HDAC9: variants seen among roughly 807,000 people sequenced by gnomAD.
HDAC9 encodes the protein MEF-2 interacting transcription repressor (MITR) protein.
Under a neutral mutation model 139.4 loss-of-function variants are expected in HDAC9, and 41 were observed. The observed-to-expected ratio is 0.29, with a 90% CI of 0.23 to 0.38. The LOEUF is 0.38. Ranked by LOEUF, HDAC9 falls within the 10% of genes least tolerant of loss-of-function variation. HDAC9 has a pLI of 1.00. For missense variants in HDAC9, 1,147 were observed against 1,297.0 expected (o/e 0.88, Z 1.78); for synonymous variants, 517 against 476.2 (o/e 1.09, Z -1.12).
intron 1 of HDAC9, among the ~76,000 whole-genome samples, chr7:18,098,164 G>A (rs988325460): frequency 6.6e-6 from 1 of 152,122 alleles, no homozygotes; most frequent in Non-Finnish European, 1.5e-5. Flanking sequence ...TGCCAAATCC[G>A]TGAAATCGAT....
chr7:18,438,116 A>G (rs1348522745), intron 1 of HDAC9, among the ~76,000 whole-genome samples: 2 of 150,092 alleles, frequency 1.3e-5, no homozygotes, highest in Admixed American at 6.6e-5. Flanking sequence ...ATATTTATAT[A>G]TTAAAAATAA....
chr7:18,473,607 AT>A (rs774317781), intron 1 of HDAC9, among the ~76,000 whole-genome samples: 33 of 152,376 alleles, frequency 2.2e-4, no homozygotes, highest in Non-Finnish European at 4.6e-4. Context: ...TATTTTGGAA[AT>A]TCTTAAGGTA....
Position 18,590,451 on chromosome 7 carries a change from T to TTCC in HDAC9, c.386_388dup (p.Pro129dup). 6.2e-7 allele frequency: 1 copy of TTCC among 1,604,690 alleles called. No homozygotes were observed. The highest frequency in any genetic ancestry group is 8.5e-7 in the Non-Finnish European group (1 of 1,175,302). On this transcript the variant is annotated inframe_insertion, in exon 4 of 26. Transcript: ENST00000686413. ...GAGAGGCATCGCAGAGAACAGCAGCTTCCTCCTCTCAGAGGCAAAGATAGA... is the reference window on the plus strand; with the variant it reads ...GAGAGGCATCGCAGAGAACAGCAGCTTCCTCCTCCTCTCAGAGGCAAAGATAGA...
chr7:18,806,608 T>A (rs933976897), intron 17 of HDAC9, among the ~76,000 whole-genome samples: 1 of 152,240 alleles, frequency 6.6e-6, no homozygotes, highest in Non-Finnish European at 1.5e-5. Context: ...AATTATGATA[T>A]TAGCTGTGCT....
chr7:18,919,202 G>A (rs1803471552), intron 22 of HDAC9, among the ~76,000 whole-genome samples: 1 of 151,998 alleles, frequency 6.6e-6, no homozygotes, highest in South Asian at 2.1e-4. Flanking sequence ...TCATTTCCAA[G>A]GAGTTGCCCC....
intron 11 of HDAC9, among the ~76,000 whole-genome samples, chr7:18,661,220 A>G (rs577527520): frequency 2.9e-4 from 44 of 152,266 alleles, no homozygotes; most frequent in Middle Eastern, 6.8e-3. Context: ...TGATAGAGAA[A>G]CAAGGATAAA....
intron 22 of HDAC9, among the ~76,000 whole-genome samples, chr7:18,913,007 C>T (rs758128356): frequency 2.6e-5 from 4 of 152,022 alleles, no homozygotes; most frequent in African/African-American, 7.2e-5. Flanking sequence ...TCAGTGAAAA[C>T]GTTGCTATTT....
chr7:18,536,822 T>C (rs1170140920), intron 2 of HDAC9, among the ~76,000 whole-genome samples: 3 of 152,186 alleles, frequency 2.0e-5, no homozygotes, highest in African/African-American at 7.2e-5. Context: ...GAGAATATAC[T>C]AGGGAGGGTA....
chr7:18,339,664 C>T (rs1025913466), intron 1 of HDAC9, among the ~76,000 whole-genome samples: 58 of 151,114 alleles, frequency 3.8e-4, no homozygotes, highest in African/African-American at 1.4e-3. Flanking sequence ...TTTAGAAATG[C>T]TGTATTTATT....
intron 2 of HDAC9, among the ~76,000 whole-genome samples, chr7:18,262,892 T>C (rs1208060039): frequency 6.6e-6 from 1 of 151,986 alleles, no homozygotes; most frequent in African/African-American, 2.4e-5. Context: ...ATTAAAATGA[T>C]ACATTATAAA....
Position 18,561,328 on chromosome 7 carries a change from C to A in HDAC9, c.23-23953C>A, listed in dbSNP as rs574672672. Among the ~76,000 whole-genome samples, 12 of 152,228 alleles carry A rather than the reference C, an allele frequency of 7.9e-5. No individual in the cohort carries two copies. In the South Asian group the frequency reaches 2.5e-3, roughly 32 times the overall value. On this transcript the variant is annotated intron_variant, in intron 2 of 25. Transcript: ENST00000686413. ...AAAATTCTAAAGGAATATGCCAATT[C>A]CCCAGAGATTATCTTCATTTCTGAA...
intron 1 of HDAC9, among the ~76,000 whole-genome samples, chr7:18,446,420 T>C (rs965127771): frequency 6.6e-6 from 1 of 152,212 alleles, no homozygotes; most frequent in South Asian, 2.1e-4. Flanking sequence ...TTGACAGGAC[T>C]TGAAAACTGG....
At chr7:18,826,770 T>A (rs1795475386) in intron 17 of HDAC9, among the ~76,000 whole-genome samples, 2 of 151,906 alleles carry the variant, frequency 1.3e-5, no homozygotes, top group Non-Finnish European at 2.9e-5. Flanking sequence ...TCCATAATGC[T>A]TTCTAAAATC....
rs112786029 is a variant in HDAC9, at chr7:18,618,707, A to G, written c.665-10643A>G. On this transcript the variant is annotated intron_variant, in intron 6 of 25. Coordinates refer to ENST00000686413, the MANE Select transcript of HDAC9 (RefSeq NM_178425.4). The stretch of plus-strand genomic sequence containing the variant: ...TCTATTTGAATGGTATATAAAAGAT[A>G]TATCTAGTACAGAATTTTGTATATA... Among the ~76,000 whole-genome samples, 17 of 141,674 alleles carry G rather than the reference A, an allele frequency of 1.2e-4. 1 individual carries two copies. Among genetic ancestry groups the G allele is most frequent in the African/African-American group, 3.6e-4 (14 of 38,972 alleles). 92.9% of individuals were successfully genotyped at this position (141,674 alleles called of 152,430 possible).
In HDAC9 at chr7:18,879,831, A is replaced by G. The variant is rs548133101; in HGVS notation, c.2803+5235A>G. ...CAAGTGAGATCTTATTAAGCTAAATAGCCTCTGCACAGCAAAAGAAACTAT... is the reference window on the plus strand; with the variant it reads ...CAAGTGAGATCTTATTAAGCTAAATGGCCTCTGCACAGCAAAAGAAACTAT... On this transcript the variant is annotated intron_variant, in intron 22 of 25. Coordinates refer to ENST00000686413, the MANE Select transcript of HDAC9 (RefSeq NM_178425.4). 4.3e-4 allele frequency among the ~76,000 whole-genome samples: 66 copies of G among 152,324 alleles called. 2 individuals carry two copies. The South Asian group carries it at 0.012, about 29-fold the overall frequency.
chr7:18,466,935 C>CT, intron 1 of HDAC9, among the ~76,000 whole-genome samples: 1 of 152,280 alleles, frequency 6.6e-6, no homozygotes, highest in African/African-American at 2.4e-5. Flanking sequence ...TTCCCTCCCT[C>CT]TTTTATAAAA....
chr7:18,356,966 G>A (rs796498529), intron 1 of HDAC9, among the ~76,000 whole-genome samples: 1 of 152,008 alleles, frequency 6.6e-6, no homozygotes, highest in Admixed American at 6.6e-5. Context: ...AACAAATAAG[G>A]GTTGGAAAGG....
chr7:18,126,224 G>C (rs1341902899), intron 1 of HDAC9, among the ~76,000 whole-genome samples: 1 of 152,060 alleles, frequency 6.6e-6, no homozygotes, highest in Admixed American at 6.6e-5. Flanking sequence ...CATTCTTATA[G>C]CCAATTTAGA....
At chr7:18,773,868 C>T (rs780924250) in intron 16 of HDAC9, among the ~76,000 whole-genome samples, 3 of 152,044 alleles carry the variant, frequency 2.0e-5, no homozygotes, top group South Asian at 2.1e-4. Flanking sequence ...TATTCACCCC[C>T]GTAACAAACT....
Sources: allele counts gnomAD v4.1 joint callset (sites outside exome capture counted in the v4.1 genomes callset), GRCh38; gene constraint gnomAD v4.1.1; transcripts MANE v1.5; gene names NCBI Gene and HGNC (gene_info 2026-07-23, HGNC 2026-07-21).